COL23A1: variants seen among roughly 807,000 people sequenced by gnomAD.
COL23A1 encodes the protein collagen alpha-1(XXIII) chain.
Under a neutral mutation model 99.3 loss-of-function variants are expected in COL23A1, and 97 were observed. The ratio of observed to expected loss-of-function variants is 0.98; its 90% confidence interval spans 0.83 to 1.16. The LOEUF is 1.16. COL23A1 is among the 50% of genes most tolerant of loss of function. The pLI is 0.00. For synonymous variants in COL23A1, 320 were observed against 308.2 expected (o/e 1.04, Z -0.40); for missense variants, 762 against 757.4 (o/e 1.01, Z -0.07).
chr5:178,272,780 T>C (rs935367625), intron 5 of COL23A1, among the ~76,000 whole-genome samples: 2 of 151,116 alleles, frequency 1.3e-5, no homozygotes, highest in Non-Finnish European at 3.0e-5. Context: ...CTGGGTGTCC[T>C]CAAGGTCGCG....
chr5:178,520,245 T>C (rs1467515732), intron 2 of COL23A1, among the ~76,000 whole-genome samples: 2 of 152,134 alleles, frequency 1.3e-5, no homozygotes, highest in Non-Finnish European at 2.9e-5. Flanking sequence ...AGTGTGTGAC[T>C]AGTAAGATTG....
rs1467743051 is a variant in COL23A1 at position 178,551,221 on chromosome 5, T to C, written c.361+9461A>G. On this transcript the variant is annotated intron_variant, in intron 2 of 28. Transcript: ENST00000390654. ...ATATATAAATTATTTTTCTTTTACA[T>C]TCCTGTTCAATTTCTATAGAATTTA... is the stretch of plus-strand genomic sequence containing the variant. 2.0e-5 allele frequency among the ~76,000 whole-genome samples: 3 copies of C among 149,994 alleles called. No individual in the cohort carries two copies. In the East Asian group the frequency reaches 5.8e-4, roughly 29 times the overall value.
intron 18 of COL23A1, 69 bp downstream of exon 18, chr5:178,249,992 C>T (rs1764945477): frequency 2.0e-6 from 3 of 1,532,564 alleles, no homozygotes; most frequent in South Asian, 1.1e-5. Context: ...CACGCACACA[C>T]ACACACACAC....
intron 2 of COL23A1, among the ~76,000 whole-genome samples, chr5:178,435,291 G>A (rs1032635161): frequency 3.3e-5 from 5 of 152,282 alleles, no homozygotes; most frequent in Admixed American, 6.5e-5. Context: ...CCAGCTGAAC[G>A]GGACTTCCTG....
intron 3 of COL23A1, among the ~76,000 whole-genome samples, chr5:178,299,504 C>T (rs370549968): frequency 6.6e-6 from 1 of 152,088 alleles, no homozygotes. Flanking sequence ...ACCTTCCTTT[C>T]AGCCCTGATT....
At chr5:178,486,732 CCA>C (rs1419446522) in intron 2 of COL23A1, among the ~76,000 whole-genome samples, 2 of 152,158 alleles carry the variant, frequency 1.3e-5, no homozygotes, top group Non-Finnish European at 2.9e-5. Flanking sequence ...CATGCCAAGG[CCA>C]AGAGGCTCTG....
chr5:178,392,445 C>G (rs1764018490), intron 2 of COL23A1, among the ~76,000 whole-genome samples: 1 of 152,190 alleles, frequency 6.6e-6, no homozygotes, highest in Non-Finnish European at 1.5e-5. Context: ...AACAGAAACA[C>G]AAAAACCTTA....
At chr5:178,312,875 T>C (rs1158092545) in intron 2 of COL23A1, among the ~76,000 whole-genome samples, 1 of 152,122 alleles carries the variant, frequency 6.6e-6, no homozygotes, top group East Asian at 1.9e-4. Flanking sequence ...TTCCTATAGA[T>C]CAGGGGAACT....
chr5:178,585,080 C>A (rs1179293089), intron 1 of COL23A1, among the ~76,000 whole-genome samples: 1 of 152,180 alleles, frequency 6.6e-6, no homozygotes, highest in Non-Finnish European at 1.5e-5. Flanking sequence ...TCAGCTGTGG[C>A]CGGCAGCACA....
chr5:178,487,847 C>A (rs576287783), intron 2 of COL23A1, among the ~76,000 whole-genome samples: 13 of 152,344 alleles, frequency 8.5e-5, no homozygotes, highest in African/African-American at 3.1e-4. Context: ...AAGACAAGAG[C>A]CACATTTGAA....
At chr5:178,477,680 G>A (rs1757105315) in intron 2 of COL23A1, among the ~76,000 whole-genome samples, 1 of 152,126 alleles carries the variant, frequency 6.6e-6, no homozygotes, top group African/African-American at 2.4e-5. Flanking sequence ...TGAACCCTCT[G>A]CGAGTGAAAA....
chr5:178,538,537 G>A (rs1761108577), intron 2 of COL23A1, among the ~76,000 whole-genome samples: 1 of 152,196 alleles, frequency 6.6e-6, no homozygotes, highest in South Asian at 2.1e-4. Flanking sequence ...ATAACAAACA[G>A]TTCAAGGGCT....
intron 2 of COL23A1, among the ~76,000 whole-genome samples, chr5:178,467,300 T>C (rs1214432287): frequency 6.6e-6 from 1 of 152,206 alleles, no homozygotes; most frequent in Non-Finnish European, 1.5e-5. Flanking sequence ...TGTGTGGGTC[T>C]TGCCCTTCCC....
At chr5:178,502,342 A>G (rs375254644) in intron 2 of COL23A1, among the ~76,000 whole-genome samples, 11 of 152,192 alleles carry the variant, frequency 7.2e-5, no homozygotes, top group South Asian at 2.1e-4. Context: ...CATGTTAGCC[A>G]GGATGGTCTC....
chr5:178,418,035 A>G (rs1765406406), intron 2 of COL23A1, among the ~76,000 whole-genome samples: 1 of 152,240 alleles, frequency 6.6e-6, no homozygotes, highest in Non-Finnish European at 1.5e-5. Flanking sequence ...GGGCTGCAGA[A>G]GTCAGGCCTG....
chr5:178,409,422 T>C (rs1444873147), intron 2 of COL23A1, among the ~76,000 whole-genome samples: 22 of 152,006 alleles, frequency 1.4e-4, no homozygotes, highest in South Asian at 2.1e-4. Context: ...TGGTGAGAGG[T>C]TGGAGATGTT....
At chr5:178,586,157 C>T (rs369571049) in intron 1 of COL23A1, among the ~76,000 whole-genome samples, 1 of 152,200 alleles carries the variant, frequency 6.6e-6, no homozygotes, top group African/African-American at 2.4e-5. Context: ...CTGACAGACC[C>T]AGGATGCGCT....
At chr5:178,303,521 T>C (rs548343006) in intron 3 of COL23A1, among the ~76,000 whole-genome samples, 8 of 152,336 alleles carry the variant, frequency 5.3e-5, no homozygotes, top group Admixed American at 2.0e-4. Flanking sequence ...CATTCCGCCA[T>C]TCCAGAAGTG....
intron 2 of COL23A1, among the ~76,000 whole-genome samples, chr5:178,556,968 T>A (rs1328652074): frequency 1.3e-5 from 2 of 151,782 alleles, no homozygotes; most frequent in Admixed American, 1.3e-4. Context: ...ATAAATAAAT[T>A]AAAAAAATGA....
Sources: allele counts gnomAD v4.1 joint callset (sites outside exome capture counted in the v4.1 genomes callset), GRCh38; gene constraint gnomAD v4.1.1; transcripts MANE v1.5; gene names NCBI Gene and HGNC (gene_info 2026-07-23, HGNC 2026-07-21).